Variants in CALN1 observed in about 807,000 individuals in gnomAD.
CALN1 encodes calneuron 1, also known as calcium-binding protein 8.
A neutral mutation model predicts 30.6 loss-of-function variants in CALN1; 17 were observed. The observed-to-expected ratio is 0.56, with a 90% CI of 0.38 to 0.83. CALN1 has a LOEUF of 0.83. CALN1 is among the 40% of genes least tolerant of loss of function. The probability of loss-of-function intolerance (pLI) is 0.00; values close to 1 mark genes in which losing one functional copy is unlikely to be tolerated. For missense variants in CALN1, 291 were observed against 354.9 expected, an observed-to-expected ratio of 0.82 and a Z score of 1.45; for synonymous variants, 156 against 131.4, an observed-to-expected ratio of 1.19 and a Z score of -1.28.
chr7:72,240,244 G>C (rs1234018139), intron 3 of CALN1, among the ~76,000 whole-genome samples: 9 of 151,630 alleles, frequency 5.9e-5, no homozygotes, highest in African/African-American at 1.7e-4. Flanking sequence ...GCCCAAGCTG[G>C]AGCGCAGTAG....
intron 3 of CALN1, among the ~76,000 whole-genome samples, chr7:72,200,654 G>A (rs1026667507): frequency 6.6e-6 from 1 of 151,684 alleles, no homozygotes. Flanking sequence ...GCCCCTGGGG[G>A]ATGCGGTCTC....
intron 5 of CALN1, among the ~76,000 whole-genome samples, chr7:71,928,843 G>A (rs1353747173): frequency 6.6e-6 from 1 of 151,706 alleles, no homozygotes; most frequent in African/African-American, 2.4e-5. Context: ...ACCAGCCAAC[G>A]TGGCGAAACC....
chr7:72,032,387 C>T (rs1464635861), intron 4 of CALN1, among the ~76,000 whole-genome samples: 1 of 152,086 alleles, frequency 6.6e-6, no homozygotes, highest in Admixed American at 6.6e-5. Context: ...GACAGGGTCT[C>T]ACTATGTTGC....
At chr7:72,310,634 T>C (rs892933368) in intron 2 of CALN1, among the ~76,000 whole-genome samples, 2 of 151,908 alleles carry the variant, frequency 1.3e-5, no homozygotes, top group Admixed American at 1.3e-4. Context: ...CCAGGCATGG[T>C]GGCTCATGCC....
In CALN1 at chr7:72,376,607, G is replaced by C. The variant is rs536917520; in HGVS notation, c.119+26644C>G. On this transcript the variant is annotated intron_variant, in intron 2 of 6. Transcript: ENST00000395275. Reference sequence around the variant, plus strand: ...CAAGTTCTTTATATTCTCTACATTTGACCATTATAATGTACTTTACTTGCA... The same window carrying C: ...CAAGTTCTTTATATTCTCTACATTTCACCATTATAATGTACTTTACTTGCA... Among the ~76,000 whole-genome samples, 10 of 152,138 alleles carry C rather than the reference G, an allele frequency of 6.6e-5. No homozygotes were observed. In the South Asian group the frequency reaches 2.1e-3, roughly 32 times the overall value.
At chr7:72,314,328 A>C (rs1800265065) in intron 2 of CALN1, among the ~76,000 whole-genome samples, 1 of 151,114 alleles carries the variant, frequency 6.6e-6, no homozygotes, top group Non-Finnish European at 1.5e-5. Context: ...TGTGCAATAC[A>C]CTATGTTAAC....
chr7:72,145,624 A>G lies in CALN1; in HGVS notation c.245-39330T>C, dbSNP rs375607097. ...GAATCCTCCCTAACTCATTTTATGA[A>G]GCCAGCATCATCCTGATACCAAAGC... On this transcript the variant is annotated intron_variant, in intron 3 of 6. Coordinates refer to ENST00000395275, the MANE Select transcript of CALN1 (RefSeq NM_031468.4). Among the ~76,000 whole-genome samples, 15 of 152,218 alleles carry G rather than the reference A, an allele frequency of 9.9e-5. No homozygotes were observed. In the South Asian group the frequency reaches 2.1e-3, roughly 21 times the overall value.
intron 3 of CALN1, among the ~76,000 whole-genome samples, chr7:72,211,523 G>A (rs1792392688): frequency 6.6e-6 from 1 of 152,070 alleles, no homozygotes; most frequent in South Asian, 2.1e-4. Context: ...TCATAGTTCA[G>A]GGTACCCATC....
intron 3 of CALN1, among the ~76,000 whole-genome samples, chr7:72,267,270 T>C (rs945360835): frequency 6.6e-6 from 1 of 151,930 alleles, no homozygotes; most frequent in African/African-American, 2.4e-5. Context: ...CAAGAAAACG[T>C]AGGATGGACC....
intron 2 of CALN1, among the ~76,000 whole-genome samples, chr7:72,368,987 G>A (rs188034515): frequency 1.1e-3 from 165 of 151,450 alleles, no homozygotes; most frequent in African/African-American, 3.9e-3. Context: ...GCTAATTTTT[G>A]TATTTTTAGT....
intron 4 of CALN1, among the ~76,000 whole-genome samples, chr7:72,031,781 A>G (rs1055954672): frequency 3.8e-5 from 5 of 132,992 alleles, no homozygotes; most frequent in Non-Finnish European, 6.1e-5. Context: ...TCGCTCTGTC[A>G]TCCAGGCTGA....
intron 3 of CALN1, among the ~76,000 whole-genome samples, chr7:72,170,013 T>C (rs1251546520): frequency 6.7e-6 from 1 of 149,552 alleles, no homozygotes; most frequent in Non-Finnish European, 1.5e-5. Flanking sequence ...GTTATTTTCT[T>C]AGGGACAGGA....
chr7:71,980,011 G>A (rs1163604130), intron 5 of CALN1, among the ~76,000 whole-genome samples: 3 of 150,250 alleles, frequency 2.0e-5, no homozygotes, highest in African/African-American at 7.3e-5. Context: ...CCATATAGCT[G>A]GGATTACAGG....
intron 3 of CALN1, among the ~76,000 whole-genome samples, chr7:72,143,578 C>T (rs888102069): frequency 6.6e-6 from 1 of 152,136 alleles, no homozygotes; most frequent in Non-Finnish European, 1.5e-5. Context: ...AGAACTTCCC[C>T]AATCTAGCAA....
chr7:72,087,222 A>G (rs1231002250), intron 4 of CALN1, among the ~76,000 whole-genome samples: 1 of 152,202 alleles, frequency 6.6e-6, no homozygotes, highest in African/African-American at 2.4e-5. Context: ...GAAATGAAAA[A>G]TAAGAAGTAC....
chr7:71,955,993 T>A (rs1796942411), intron 5 of CALN1, among the ~76,000 whole-genome samples: 1 of 36,336 alleles, frequency 2.8e-5, no homozygotes, highest in African/African-American at 9.9e-5. Flanking sequence ...GTTCTGGATT[T>A]TTTTTTTTTT....
At position 72,073,172 on chromosome 7, in the gene CALN1, C is replaced by A. The variant is rs563443537; in HGVS notation, c.388+32979G>T. ...TAAAAAGACAAATATTGCATGATTC[C>A]ATTTATATGAGATACTTACAGAGTA... On this transcript the variant is annotated intron_variant, in intron 4 of 6. Coordinates refer to ENST00000395275, the MANE Select transcript of CALN1 (RefSeq NM_031468.4). 3.3e-4 allele frequency among the ~76,000 whole-genome samples: 50 copies of A among 152,122 alleles called. 1 individual carries two copies. Among genetic ancestry groups the A allele is most frequent in the Non-Finnish European group, 2.1e-4 (14 of 67,984 alleles).
chr7:72,504,038 GA>G, the CALN1 span, among the ~76,000 whole-genome samples: 1 of 152,178 alleles, frequency 6.6e-6, no homozygotes, highest in Non-Finnish European at 1.5e-5. Context: ...ATAACGAAGA[GA>G]AAAGGGAACA....
At chr7:71,846,830 T>C (rs1388125848) in intron 5 of CALN1, among the ~76,000 whole-genome samples, 3 of 88,648 alleles carry the variant, frequency 3.4e-5, no homozygotes, top group East Asian at 1.6e-3. Context: ...AATATGTGTA[T>C]ATACATGTGT....
Sources: allele counts gnomAD v4.1 joint callset (sites outside exome capture counted in the v4.1 genomes callset), GRCh38; gene constraint gnomAD v4.1.1; transcripts MANE v1.5; gene names NCBI Gene and HGNC (gene_info 2026-07-23, HGNC 2026-07-21).